The following RBFOX1 variants were observed in gnomAD, a reference collection of about 807,000 sequenced individuals.
RBFOX1 encodes the protein RNA binding protein fox-1 homolog 1.
Under a neutral mutation model 57.7 loss-of-function variants are expected in RBFOX1, and 8 were observed. The ratio of observed to expected loss-of-function variants is 0.14; its 90% CI spans 0.08 to 0.25. The LOEUF (loss-of-function observed/expected upper bound fraction) is 0.25. RBFOX1 is among the 10% of genes least tolerant of loss of function. RBFOX1 has a pLI of 1.00. For synonymous variants in RBFOX1, 326 were observed against 222.4 expected, an observed-to-expected ratio of 1.47 and a Z score of -4.15; for missense variants, 611 against 548.5, an observed-to-expected ratio of 1.11 and a Z score of -1.14.
intron 1 of RBFOX1, among the ~76,000 whole-genome samples, chr16:6,229,303 G>T (rs763007746): frequency 6.6e-6 from 1 of 152,204 alleles, no homozygotes; most frequent in Non-Finnish European, 1.5e-5. Flanking sequence ...CAGTCTCATC[G>T]TTCTCCTGTG....
intron 3 of RBFOX1, among the ~76,000 whole-genome samples, chr16:6,945,545 G>A (rs915214646): frequency 4.0e-5 from 6 of 151,884 alleles, no homozygotes; most frequent in African/African-American, 1.5e-4. Flanking sequence ...AGCCACATCT[G>A]TGACTCATGG....
At chr16:5,424,142 T>G (rs1309381670) in intron 1 of RBFOX1, among the ~76,000 whole-genome samples, 1 of 152,224 alleles carries the variant, frequency 6.6e-6, no homozygotes, top group Non-Finnish European at 1.5e-5. Flanking sequence ...TCATGGTTAA[T>G]AAACTAAAGA....
intron 3 of RBFOX1, among the ~76,000 whole-genome samples, chr16:6,827,847 C>T (rs1052641446): frequency 9.2e-5 from 14 of 152,240 alleles, no homozygotes; most frequent in African/African-American, 3.4e-4. Context: ...TCAGGTCCTT[C>T]TGTTCCCCCT....
chr16:5,583,489 A>AC (rs1053735181), intron 2 of RBFOX1, among the ~76,000 whole-genome samples: 4 of 152,070 alleles, frequency 2.6e-5, no homozygotes, highest in African/African-American at 9.7e-5. Context: ...ACGTCACTTT[A>AC]CTTTTTTTTG....
chr16:7,001,392 GTGTATTTGTATATGTATA>G (rs1418648516), intron 3 of RBFOX1, among the ~76,000 whole-genome samples: 912 of 84,122 alleles, frequency 0.011, 7 homozygotes, highest in African/African-American at 0.068. Flanking sequence ...GTATGTGTAT[GTGTATTTGTATATGTATA>G]TGTATATGTA....
intron 3 of RBFOX1, among the ~76,000 whole-genome samples, chr16:5,816,350 C>T (rs1454953790): frequency 2.0e-5 from 3 of 152,170 alleles, no homozygotes; most frequent in Non-Finnish European, 4.4e-5. Flanking sequence ...ACTTTGGATT[C>T]TTACTGTCTG....
chr16:6,046,256 G>C (rs564183423), intron 1 of RBFOX1, among the ~76,000 whole-genome samples: 1 of 152,290 alleles, frequency 6.6e-6, no homozygotes, highest in Admixed American at 6.5e-5. Context: ...AGTGGCAGTA[G>C]GAATGGATAT....
chr16:5,856,601 A>ATATATATG (rs1321996342), intron 3 of RBFOX1, among the ~76,000 whole-genome samples: 6 of 107,300 alleles, frequency 5.6e-5, no homozygotes, highest in African/African-American at 2.2e-4. Context: ...ATATATATAT[A>ATATATATG]TATAATCTTA....
At chr16:7,537,023 G>C (rs1049615719) in intron 5 of RBFOX1, among the ~76,000 whole-genome samples, 4 of 152,194 alleles carry the variant, frequency 2.6e-5, no homozygotes, top group African/African-American at 9.6e-5. Flanking sequence ...ACAGAGCCCT[G>C]CTGGCCTCAT....
chr16:7,374,398 T>C (rs939091468), intron 4 of RBFOX1, among the ~76,000 whole-genome samples: 3 of 152,234 alleles, frequency 2.0e-5, no homozygotes, highest in Non-Finnish European at 4.4e-5. Context: ...AATGTGTTGC[T>C]TATTGCTAGT....
chr16:7,526,769 C>A (rs12934652), intron 5 of RBFOX1, among the ~76,000 whole-genome samples: 7 of 152,092 alleles, frequency 4.6e-5, no homozygotes, highest in South Asian at 2.1e-4. Context: ...CTTGGCCCTC[C>A]CCACCACGTA....
chr16:6,116,249 T>C (rs2096494769), intron 1 of RBFOX1, among the ~76,000 whole-genome samples: 2 of 144,638 alleles, frequency 1.4e-5, no homozygotes, highest in South Asian at 4.5e-4. Flanking sequence ...GAGGGGAACA[T>C]CACACACCAG....
chr16:7,064,244 C>G lies in RBFOX1; in HGVS notation c.27+12146C>G, dbSNP rs1326430036. On this transcript the variant is annotated intron_variant, in intron 4 of 15. Transcript: ENST00000550418. ...AGTGCAGTGGCGTGATCTCTGCTCACTGCAACTTCCGCCTCCCAGGTTCAA... is the reference window on the plus strand; with the variant it reads ...AGTGCAGTGGCGTGATCTCTGCTCAGTGCAACTTCCGCCTCCCAGGTTCAA... Among the ~76,000 whole-genome samples the G allele has an allele frequency of 2.1e-5, 3 of 145,252 alleles. No homozygotes were observed. The South Asian group carries it at 6.6e-4, about 32-fold the overall frequency.
chr16:7,343,762 A>T (rs1305836069), intron 4 of RBFOX1, among the ~76,000 whole-genome samples: 1 of 151,936 alleles, frequency 6.6e-6, no homozygotes, highest in Non-Finnish European at 1.5e-5. Context: ...TGCTGCAACC[A>T]TTGAGGCCTC....
chr16:5,555,797 G>A (rs12931575), intron 2 of RBFOX1, among the ~76,000 whole-genome samples: 43,236 of 151,532 alleles, frequency 0.29, 6,858 homozygotes, highest in Non-Finnish European at 0.35. Flanking sequence ...CTAGGTGGGC[G>A]GATCACCTGA....
chr16:5,623,467 T>C lies in RBFOX1; in HGVS notation c.318+24506T>C, dbSNP rs74858652. Among the ~76,000 whole-genome samples the C allele has an allele frequency of 4.5e-3, 691 of 152,280 alleles. 30 individuals carry two copies. In the East Asian group the frequency reaches 0.1, roughly 23 times the overall value. ...AACACTCATAATCACCAAACAAACA[T>C]GCATGGCCATGCTAAGTGCTGGACA... On this transcript the variant is annotated intron_variant, in intron 3 of 19. Transcript: ENST00000641259.
intron 13 of RBFOX1, among the ~76,000 whole-genome samples, chr16:7,665,434 C>T (rs2068957084): frequency 6.6e-6 from 1 of 152,180 alleles, no homozygotes. Context: ...TCTCTCTAGA[C>T]ATGGACAAGT....
chr16:7,529,412 A>G (rs11646010), intron 5 of RBFOX1, among the ~76,000 whole-genome samples: 6,302 of 152,336 alleles, frequency 0.041, 194 homozygotes, highest in East Asian at 0.13. Context: ...CAAAATTACA[A>G]GCGTGATGGT....
At chr16:5,796,168 T>A (rs1464607696) in intron 3 of RBFOX1, among the ~76,000 whole-genome samples, 1 of 152,200 alleles carries the variant, frequency 6.6e-6, no homozygotes, top group African/African-American at 2.4e-5. Context: ...GGCTCAGGAA[T>A]AGTAAAACCC....
Sources: allele counts gnomAD v4.1 joint callset (sites outside exome capture counted in the v4.1 genomes callset), GRCh38; gene constraint gnomAD v4.1.1; transcripts MANE v1.5; gene names NCBI Gene and HGNC (gene_info 2026-07-23, HGNC 2026-07-21).